The following VRK2 variants were observed in gnomAD, a reference collection of about 807,000 sequenced individuals.
VRK2 encodes the protein serine/threonine-protein kinase VRK2.
Under a neutral mutation model 57.6 loss-of-function variants are expected in VRK2, and 60 were observed. The ratio of observed to expected loss-of-function variants is 1.04; its 90% CI spans 0.85 to 1.29. VRK2 has a LOEUF of 1.29. Among genes scored for constraint, VRK2 ranks in the 50% most tolerant of loss-of-function variants. The probability of loss-of-function intolerance (pLI) is 0.00; values close to 1 mark genes in which losing one functional copy is unlikely to be tolerated. For synonymous variants in VRK2, 231 were observed against 199.2 expected, an observed-to-expected ratio of 1.16 and a Z score of -1.35; for missense variants, 705 against 588.1, an observed-to-expected ratio of 1.20 and a Z score of -2.06.
intron 12 of VRK2, among the ~76,000 whole-genome samples, chr2:58,158,045 A>AAGAG (rs1263648454): frequency 6.6e-6 from 1 of 152,170 alleles, no homozygotes; most frequent in Non-Finnish European, 1.5e-5. Context: ...GCTGATGTTC[A>AAGAG]AGAGAGATTA....
At chr2:58,092,820 G>C (rs820610) in intron 7 of VRK2, among the ~76,000 whole-genome samples, 6 of 151,906 alleles carry the variant, frequency 3.9e-5, no homozygotes, top group African/African-American at 1.2e-4. Flanking sequence ...CTCTTCCCCC[G>C]ACCCCATGAC....
chr2:58,083,445 C>T (rs945995740), intron 2 of VRK2, among the ~76,000 whole-genome samples: 4 of 151,778 alleles, frequency 2.6e-5, no homozygotes, highest in Middle Eastern at 3.4e-3. Flanking sequence ...ACCATCTGAA[C>T]AACAAATGGA....
chr2:57,924,347 T>A (rs569040140), intron 1 of VRK2, among the ~76,000 whole-genome samples: 1 of 152,110 alleles, frequency 6.6e-6, no homozygotes, highest in Non-Finnish European at 1.5e-5. Context: ...ATTCTTCCAA[T>A]CCAAGAACTT....
chr2:58,025,266 T>A (rs891006032), intron 1 of VRK2, among the ~76,000 whole-genome samples: 5 of 100,508 alleles, frequency 5.0e-5, no homozygotes, highest in Non-Finnish European at 8.9e-5. Flanking sequence ...TTGCTCATAT[T>A]TTTTTTTTTT....
intron 7 of VRK2, among the ~76,000 whole-genome samples, chr2:58,118,684 G>A (rs1676914427): frequency 6.6e-6 from 1 of 152,218 alleles, no homozygotes; most frequent in Non-Finnish European, 1.5e-5. Flanking sequence ...CCCGATCCGA[G>A]TCATGGCACC....
At chr2:57,909,157 G>A (rs1669912404) in intron 1 of VRK2, among the ~76,000 whole-genome samples, 2 of 152,052 alleles carry the variant, frequency 1.3e-5, no homozygotes, top group Non-Finnish European at 2.9e-5. Flanking sequence ...GCTCAAATAA[G>A]CTCTCTAACA....
chr2:58,151,442 G>A (rs1235483922), intron 12 of VRK2, among the ~76,000 whole-genome samples: 1 of 151,458 alleles, frequency 6.6e-6, no homozygotes, highest in African/African-American at 2.4e-5. Flanking sequence ...TCCATCCTTT[G>A]TTTAATCCAC....
At chr2:57,956,644 A>AG (rs1426819493) in intron 1 of VRK2, among the ~76,000 whole-genome samples, 1 of 152,184 alleles carries the variant, frequency 6.6e-6, no homozygotes, top group Non-Finnish European at 1.5e-5. Context: ...ATGAAGAACC[A>AG]TACTTAGTTC....
intron 2 of VRK2, among the ~76,000 whole-genome samples, chr2:58,030,365 T>C (rs1456792402): frequency 6.6e-6 from 1 of 152,096 alleles, no homozygotes; most frequent in Non-Finnish European, 1.5e-5. Context: ...GATTTTCTTC[T>C]AGGGTTTTCA....
At chr2:57,918,818 A>G (rs756636857) in intron 1 of VRK2, among the ~76,000 whole-genome samples, 28 of 152,134 alleles carry the variant, frequency 1.8e-4, no homozygotes, top group South Asian at 1.0e-3. Context: ...TGTGTGCTCA[A>G]TTGAAATTCC....
chr2:58,081,607 A>G (rs545135775), intron 2 of VRK2, among the ~76,000 whole-genome samples: 2 of 151,964 alleles, frequency 1.3e-5, no homozygotes, highest in East Asian at 1.9e-4. Context: ...TATTCATTCT[A>G]TTTAACAAAC....
At chr2:57,982,960 G>A (rs758111351) in intron 1 of VRK2, among the ~76,000 whole-genome samples, 18 of 152,214 alleles carry the variant, frequency 1.2e-4, no homozygotes, top group Middle Eastern at 3.4e-3. Flanking sequence ...GGAGTCTCCC[G>A]CAGCTAGGAT....
intron 1 of VRK2, among the ~76,000 whole-genome samples, chr2:57,932,715 A>T (rs62142105): frequency 2.4e-4 from 36 of 151,804 alleles, no homozygotes; most frequent in Admixed American, 1.6e-3. Context: ...TATTTCCTTT[A>T]TTCTACTAAC....
At chr2:57,955,980 T>C (rs1380446988) in intron 1 of VRK2, among the ~76,000 whole-genome samples, 1 of 152,178 alleles carries the variant, frequency 6.6e-6, no homozygotes, top group Non-Finnish European at 1.5e-5. Context: ...TTTGGTTTAA[T>C]GTAGAAATAA....
intron 12 of VRK2, among the ~76,000 whole-genome samples, chr2:58,147,709 C>T (rs574554545): frequency 1.0e-3 from 157 of 151,810 alleles, no homozygotes; most frequent in African/African-American, 3.5e-3. Flanking sequence ...TTTTGATTCT[C>T]ATCACTAGAT....
chr2:58,008,686 A>G (rs1016226320), intron 1 of VRK2, among the ~76,000 whole-genome samples: 1 of 152,166 alleles, frequency 6.6e-6, no homozygotes, highest in Non-Finnish European at 1.5e-5. Flanking sequence ...ATAATAAAAT[A>G]TAAAACAAGG....
At chr2:58,014,216 C>T (rs940696778) in intron 1 of VRK2, among the ~76,000 whole-genome samples, 1 of 152,046 alleles carries the variant, frequency 6.6e-6, no homozygotes, top group African/African-American at 2.4e-5. Flanking sequence ...GGTAGTCTGC[C>T]GTGCTATATT....
intron 11 of VRK2, among the ~76,000 whole-genome samples, chr2:58,143,124 A>G (rs913306684): frequency 2.1e-4 from 32 of 152,024 alleles, no homozygotes; most frequent in African/African-American, 7.7e-4. Context: ...TTAAGTCTCA[A>G]AATAATTCTA....
rs201583473 is a variant in VRK2, at chr2:57,960,338, ACAT to A, written c.-439+52505_-439+52507del. ...ACCCTCACCTCCAGTGTTGCTCAAC[ACAT>A]CATCAGTCTTTTCTCCTAATACAGT... On this transcript the variant is annotated intron_variant, in intron 1 of 15. Transcript: ENST00000417641. 7.8e-3 allele frequency among the ~76,000 whole-genome samples: 1,183 copies of A among 152,296 alleles called. 19 individuals are homozygous for A. Among genetic ancestry groups the A allele is most frequent in the African/African-American group, 0.026 (1,077 of 41,550 alleles).
Sources: allele counts gnomAD v4.1 joint callset (sites outside exome capture counted in the v4.1 genomes callset), GRCh38; gene constraint gnomAD v4.1.1; transcripts MANE v1.5; gene names NCBI Gene and HGNC (gene_info 2026-07-23, HGNC 2026-07-21).